The following GALNT13 variants were observed in gnomAD, a reference collection of about 807,000 sequenced individuals.
GALNT13 encodes UDP-GalNAc:polypeptide N-acetylgalactosaminyltransferase 13.
In GALNT13, 28 loss-of-function variants were observed where a neutral mutation model predicts 64.2. The observed-to-expected ratio is 0.44, with a 90% CI of 0.32 to 0.60. The LOEUF is 0.60. GALNT13 is among the 20% of genes least tolerant of loss of function. The probability of loss-of-function intolerance (pLI) is 0.05; values close to 1 mark genes in which losing one functional copy is unlikely to be tolerated. For synonymous variants in GALNT13, 214 were observed against 224.6 expected (o/e 0.95, Z 0.42); for missense variants, 577 against 669.8 (o/e 0.86, Z 1.53).
intron 3 of GALNT13, among the ~76,000 whole-genome samples, chr2:154,053,180 A>C (rs1049265678): frequency 1.3e-5 from 2 of 152,218 alleles, no homozygotes; most frequent in Admixed American, 1.3e-4. Context: ...TTGAAATATA[A>C]TAAGAAAGAA....
the GALNT13 span, among the ~76,000 whole-genome samples, chr2:153,617,445 T>C: frequency 6.6e-6 from 1 of 151,934 alleles, no homozygotes; most frequent in South Asian, 2.1e-4. Context: ...TTTTAATGTA[T>C]TGTTGAATTT....
At chr2:153,086,949 G>T in the GALNT13 span, among the ~76,000 whole-genome samples, 2 of 152,008 alleles carry the variant, frequency 1.3e-5, no homozygotes, top group Non-Finnish European at 2.9e-5. Flanking sequence ...TTGACTTCCT[G>T]TTTACCTATT....
At chr2:153,953,026 G>A in intron 3 of GALNT13, among the ~76,000 whole-genome samples, 1 of 152,112 alleles carries the variant, frequency 6.6e-6, no homozygotes, top group Non-Finnish European at 1.5e-5. Context: ...CACTCAGATT[G>A]AGGGTGGGTC....
At chr2:153,645,156 A>T in the GALNT13 span, among the ~76,000 whole-genome samples, 2 of 152,140 alleles carry the variant, frequency 1.3e-5, no homozygotes, top group Non-Finnish European at 2.9e-5. Context: ...TACATCTTAT[A>T]AGAATATGAA....
chr2:153,990,169 A>G (rs1226946685), intron 3 of GALNT13, among the ~76,000 whole-genome samples: 1 of 152,060 alleles, frequency 6.6e-6, no homozygotes, highest in African/African-American at 2.4e-5. Flanking sequence ...TGAAAAATTA[A>G]GGCCTGAAAA....
At chr2:153,970,241 T>C (rs1301030793) in intron 3 of GALNT13, among the ~76,000 whole-genome samples, 1 of 152,212 alleles carries the variant, frequency 6.6e-6, no homozygotes, top group Non-Finnish European at 1.5e-5. Flanking sequence ...TTAATACCAC[T>C]TATTGTTTCC....
chr2:153,750,323 G>A, the GALNT13 span, among the ~76,000 whole-genome samples: 1 of 151,712 alleles, frequency 6.6e-6, no homozygotes, highest in Non-Finnish European at 1.5e-5. Flanking sequence ...TTGGTATCAC[G>A]GTAATACTGG....
the GALNT13 span, among the ~76,000 whole-genome samples, chr2:153,555,956 T>C: frequency 6.0e-3 from 909 of 152,340 alleles, 11 homozygotes; most frequent in African/African-American, 0.02. Context: ...GGAAAAAATG[T>C]GTTATGAAAG....
chr2:154,419,784 C>T (rs1417607748), intron 11 of GALNT13, among the ~76,000 whole-genome samples: 1 of 151,986 alleles, frequency 6.6e-6, no homozygotes, highest in Non-Finnish European at 1.5e-5. Flanking sequence ...GACTATGGCA[C>T]CAACAAGGGA....
chr2:154,274,502 G>T (rs913312255), intron 8 of GALNT13, among the ~76,000 whole-genome samples: 2 of 151,970 alleles, frequency 1.3e-5, no homozygotes, highest in African/African-American at 4.8e-5. Flanking sequence ...TCATGGAAGG[G>T]ATCCAGTGGG....
intron 9 of GALNT13, among the ~76,000 whole-genome samples, chr2:154,367,962 C>G (rs548674011): frequency 6.6e-6 from 1 of 152,126 alleles, no homozygotes; most frequent in Non-Finnish European, 1.5e-5. Flanking sequence ...ACAATATTTT[C>G]AGAACTATAG....
At chr2:154,131,783 G>A (rs1442863702) in intron 3 of GALNT13, among the ~76,000 whole-genome samples, 1 of 152,146 alleles carries the variant, frequency 6.6e-6, no homozygotes, top group Non-Finnish European at 1.5e-5. Context: ...TCCCACAATA[G>A]GCTGTCTGTA....
At chr2:153,459,569 T>C in the GALNT13 span, among the ~76,000 whole-genome samples, 1 of 152,016 alleles carries the variant, frequency 6.6e-6, no homozygotes, top group African/African-American at 2.4e-5. Context: ...CAGAGCAAAA[T>C]CTGACAAAAA....
At chr2:153,277,910 T>TTTC in the GALNT13 span, among the ~76,000 whole-genome samples, 7 of 111,346 alleles carry the variant, frequency 6.3e-5, no homozygotes, top group Non-Finnish European at 1.1e-4. Flanking sequence ...TCTTTTTTCT[T>TTTC]TTGTTTTCTT....
At chr2:154,372,939 G>T (rs547218392) in intron 9 of GALNT13, among the ~76,000 whole-genome samples, 1 of 152,090 alleles carries the variant, frequency 6.6e-6, no homozygotes, top group East Asian at 1.9e-4. Flanking sequence ...GATAAACTCA[G>T]TTTTTTATTT....
intron 4 of GALNT13, among the ~76,000 whole-genome samples, chr2:154,157,413 A>G (rs893063470): frequency 6.6e-6 from 1 of 152,106 alleles, no homozygotes; most frequent in Admixed American, 6.6e-5. Context: ...GGGTCTCACT[A>G]TGTCGCCCAG....
Position 154,242,787 on chromosome 2 carries a change from C to A in GALNT13, c.568C>A (p.Arg190Ser). Residue 190 changes from arginine to serine, a missense_variant, in exon 6 of 13, where the codon CGT (arginine) becomes AGT (serine). This residue lies in a region of GALNT13 where 341 missense variants were observed against 379.3 expected (regional missense o/e 0.90). Coordinates refer to ENST00000392825, the MANE Select transcript of GALNT13 (RefSeq NM_052917.4). ...IRMEERSGLIRARLRGAAASK... is the reference protein window; with the variant it reads ...IRMEERSGLISARLRGAAASK... The stretch of plus-strand genomic sequence containing the variant: ...GATGGAAGAACGCTCTGGGTTAATA[C>A]GTGCCCGTCTTCGAGGAGCAGCTGC... 1 of 1,613,992 alleles carries A rather than the reference C, an allele frequency of 6.2e-7. No homozygotes were observed. The highest frequency in any genetic ancestry group is 8.5e-7 in the Non-Finnish European group (1 of 1,179,838).
At chr2:153,180,831 G>A in the GALNT13 span, among the ~76,000 whole-genome samples, 1 of 151,610 alleles carries the variant, frequency 6.6e-6, no homozygotes, top group African/African-American at 2.4e-5. Flanking sequence ...TTGGCATCTA[G>A]TTGCTCATAA....
rs990324202 is a variant in GALNT13 at position 154,402,261 on chromosome 2, ATC to A, written c.1296+6139_1296+6140del. Among the ~76,000 whole-genome samples the A allele has an allele frequency of 1.2e-4, 19 of 152,264 alleles. No individual in the cohort carries two copies. In the South Asian group the frequency reaches 2.5e-3, roughly 20 times the overall value. ...GGTGGTGGGGGCGTGGGCAGTATATATCTCTCTCTTTTAGAAATGGAATTCTC... is the reference window on the plus strand; with the variant it reads ...GGTGGTGGGGGCGTGGGCAGTATATATCTCTCTTTTAGAAATGGAATTCTC... On this transcript the variant is annotated intron_variant, in intron 10 of 12. Coordinates refer to ENST00000392825, the MANE Select transcript of GALNT13 (RefSeq NM_052917.4).
Sources: allele counts gnomAD v4.1 joint callset (sites outside exome capture counted in the v4.1 genomes callset), GRCh38; gene constraint gnomAD v4.1.1; regional missense constraint gnomAD v4.1.1; transcripts MANE v1.5; gene names NCBI Gene and HGNC (gene_info 2026-07-23, HGNC 2026-07-21).